EBAG9: variants seen among roughly 807,000 people sequenced by gnomAD.
EBAG9 encodes the protein receptor-binding cancer antigen expressed on SiSo cells.
A neutral mutation model predicts 30.9 loss-of-function variants in EBAG9; 16 were observed. That is an observed-to-expected ratio of 0.52 (90% confidence interval 0.35 to 0.79). The LOEUF (loss-of-function observed/expected upper bound fraction) is 0.79, where lower values mean the gene tolerates loss of function less well. Among genes scored for constraint, EBAG9 ranks in the 30% least tolerant of loss-of-function variants. The pLI, the probability that EBAG9 is intolerant of heterozygous loss-of-function variation, is 0.01. For synonymous variants in EBAG9, 93 were observed against 82.8 expected (o/e 1.12, Z -0.67); for missense variants, 197 against 242.1 (o/e 0.81, Z 1.24).
intron 6 of EBAG9, among the ~76,000 whole-genome samples, chr8:109,562,935 T>C (rs1055064902): frequency 2.6e-5 from 4 of 152,084 alleles, no homozygotes; most frequent in African/African-American, 9.7e-5. Flanking sequence ...TCAGCCCTTA[T>C]ATTATTTCAG....
At chr8:109,551,119 C>A (rs1350646669) in intron 2 of EBAG9, among the ~76,000 whole-genome samples, 5 of 151,944 alleles carry the variant, frequency 3.3e-5, no homozygotes, top group Admixed American at 2.0e-4. Flanking sequence ...CATTCAAATT[C>A]TTACACTTTC....
chr8:109,550,257 G>C (rs1418132347), intron 1 of EBAG9: 1 of 152,924 alleles, frequency 6.5e-6, no homozygotes, highest in Non-Finnish European at 1.5e-5. Flanking sequence ...GGTACTCCTA[G>C]GTATTGGCAT....
intron 1 of EBAG9, among the ~76,000 whole-genome samples, chr8:109,544,688 A>G (rs1201064764): frequency 6.6e-6 from 1 of 152,214 alleles, no homozygotes; most frequent in Non-Finnish European, 1.5e-5. Context: ...GCACATATGC[A>G]CACACATATG....
At chr8:109,560,701 A>G in intron 5 of EBAG9, 137 bp from the exon 6 acceptor site, 1 of 607,088 alleles carries the variant, frequency 1.6e-6, no homozygotes, top group Non-Finnish European at 2.8e-6. Context: ...TGCCTTGTAT[A>G]GGACAGGGTA....
At chr8:109,563,299 A>G (rs1586696548) in intron 6 of EBAG9, 1 of 1,378,204 alleles carries the variant, frequency 7.3e-7, no homozygotes, top group Non-Finnish European at 9.9e-7. Context: ...TTTTCTGCAT[A>G]TAACCTAATG....
chr8:109,557,107 A>G (rs923371010), intron 5 of EBAG9, 65 bp downstream of exon 5: 22 of 1,033,584 alleles, frequency 2.1e-5, no homozygotes, highest in Non-Finnish European at 2.8e-5. Context: ...AAGCAGAGGA[A>G]TAAAATCTAA....
chr8:109,540,037 CCG>C (rs1403860150), upstream of EBAG9: 2 of 152,936 alleles, frequency 1.3e-5, no homozygotes, highest in African/African-American at 2.4e-5. Flanking sequence ...CTCCGCCTAG[CCG>C]CGCACTTCCC....
chr8:109,550,652 G>T, intron 1 of EBAG9, 158 bp from the exon 2 acceptor site: 1 of 534,130 alleles, frequency 1.9e-6, no homozygotes, highest in South Asian at 2.6e-5. Flanking sequence ...TTGTTAATAT[G>T]ATTTAAATTA....
chr8:109,557,384 G>A (rs1485922879), intron 5 of EBAG9, among the ~76,000 whole-genome samples: 1 of 152,206 alleles, frequency 6.6e-6, no homozygotes, highest in African/African-American at 2.4e-5. Flanking sequence ...TTTCTTCATA[G>A]AGTGTATTTT....
intron 4 of EBAG9, among the ~76,000 whole-genome samples, chr8:109,555,385 A>G (rs1347183762): frequency 6.6e-6 from 1 of 152,044 alleles, no homozygotes; most frequent in African/African-American, 2.4e-5. Flanking sequence ...GTCTATCAGC[A>G]TATTTCTAAT....
chr8:109,557,532 C>T (rs1046977983), intron 5 of EBAG9, among the ~76,000 whole-genome samples: 4 of 152,126 alleles, frequency 2.6e-5, no homozygotes, highest in African/African-American at 9.7e-5. Flanking sequence ...TTTTTAAAAG[C>T]ACAAATGTCC....
rs934665456 is a variant in EBAG9 at position 109,565,202 on chromosome 8, TCATA to T, written c.*647_*650del. 7 of 152,576 alleles carry T rather than the reference TCATA, an allele frequency of 4.6e-5. No homozygotes were observed. The highest frequency in any genetic ancestry group is 1.3e-4 in the Admixed American group (2 of 15,262). 9.5% of individuals were successfully genotyped at this position (152,576 alleles called of 1,614,324 possible). On this transcript the variant is annotated 3_prime_UTR_variant, in exon 7 of 7. Transcript: ENST00000337573. Reference sequence around the variant, plus strand: ...ATTATTTTCTTTTGGATTAGTGTTGTCATACATGTAATTTATATCACATGTATAA... The same window carrying T: ...ATTATTTTCTTTTGGATTAGTGTTGTCATGTAATTTATATCACATGTATAA...
At chr8:109,546,768 T>A (rs1198812386) in intron 1 of EBAG9, among the ~76,000 whole-genome samples, 2 of 152,204 alleles carry the variant, frequency 1.3e-5, no homozygotes, top group Non-Finnish European at 2.9e-5. Context: ...AAATACTATA[T>A]ATGGAATCAT....
In EBAG9 at chr8:109,564,604, C is replaced by T. The variant is rs2131139105; in HGVS notation, c.*45C>T. 6.2e-7 allele frequency: 1 copy of T among 1,604,514 alleles called. No individual in the cohort carries two copies. The highest frequency in any genetic ancestry group is 8.5e-7 in the Non-Finnish European group (1 of 1,174,862). The stretch of plus-strand genomic sequence containing the variant: ...ATGCCAGTAGGAGAAATCTCAGCTC[C>T]ACAACCCAAGCAACATTTGTATGGA... On this transcript the variant is annotated 3_prime_UTR_variant, in exon 7 of 7. Transcript: ENST00000337573.
rs568364979 is a variant in EBAG9, at chr8:109,563,691, G to C, written c.522-748G>C. Among the ~76,000 whole-genome samples, 6 of 151,792 alleles carry C rather than the reference G, an allele frequency of 4.0e-5. No individual in the cohort carries two copies. The South Asian group carries it at 1.2e-3, about 32-fold the overall frequency. ...TGTCGTACAGATATTTCATCAGCCA[G>C]GTATTAAACCTAGTATCCATTAGTT... On this transcript the variant is annotated intron_variant, in intron 6 of 6. Coordinates refer to ENST00000337573, the MANE Select transcript of EBAG9 (RefSeq NM_004215.5).
chr8:109,555,252 C>T (rs1156504411), intron 4 of EBAG9, among the ~76,000 whole-genome samples: 2 of 151,792 alleles, frequency 1.3e-5, no homozygotes, highest in Non-Finnish European at 2.9e-5. Context: ...TTTGTCCTTG[C>T]GATAGTTTGC....
At chr8:109,548,468 C>T (rs1343924013) in intron 1 of EBAG9, among the ~76,000 whole-genome samples, 1 of 152,004 alleles carries the variant, frequency 6.6e-6, no homozygotes, top group African/African-American at 2.4e-5. Flanking sequence ...CTGTTATATA[C>T]GTTCTTTGCA....
chr8:109,551,004 T>A (rs1442028786), intron 2 of EBAG9, 97 bp downstream of exon 2: 9 of 713,176 alleles, frequency 1.3e-5, no homozygotes, highest in South Asian at 1.7e-5. Flanking sequence ...AGGTTATATT[T>A]AAGCTGAATA....
rs917997863 is a variant in EBAG9, at chr8:109,564,830, A to C, written c.*271A>C. ...CTGTACAGAAAGTATCACAAATGGA[A>C]TATATCAGTACCTCTCAAGCTAGTG... On this transcript the variant is annotated 3_prime_UTR_variant, in exon 7 of 7. Coordinates refer to ENST00000337573, the MANE Select transcript of EBAG9 (RefSeq NM_004215.5). The C allele has an allele frequency of 1.7e-5, 5 of 294,058 alleles. No homozygotes were observed. The highest frequency in any genetic ancestry group is 3.2e-5 in the Non-Finnish European group (5 of 157,464). The allele number at this position is 294,058 out of a possible 1,614,324, so 18.2% of individuals were successfully genotyped here.
Sources: allele counts gnomAD v4.1 joint callset (sites outside exome capture counted in the v4.1 genomes callset), GRCh38; gene constraint gnomAD v4.1.1; transcripts MANE v1.5; gene names NCBI Gene and HGNC (gene_info 2026-07-23, HGNC 2026-07-21).